Variants in POU6F2 observed in about 807,000 individuals in gnomAD.
POU6F2 encodes the protein POU domain, class 6, transcription factor 2.
Under a neutral mutation model 71.3 loss-of-function variants are expected in POU6F2, and 31 were observed. The ratio of observed to expected loss-of-function variants is 0.43; its 90% CI spans 0.33 to 0.59. The LOEUF (loss-of-function observed/expected upper bound fraction) is 0.59. Among genes scored for constraint, POU6F2 ranks in the 20% least tolerant of loss-of-function variants. POU6F2 has a pLI of 0.04. For missense variants in POU6F2, 783 were observed against 856.8 expected, an observed-to-expected ratio of 0.91 and a Z score of 1.07; for synonymous variants, 347 against 355.7, an observed-to-expected ratio of 0.98 and a Z score of 0.27.
chr7:39,171,960 T>G (rs1458394179), intron 2 of POU6F2, among the ~76,000 whole-genome samples: 1 of 152,232 alleles, frequency 6.6e-6, no homozygotes, highest in Non-Finnish European at 1.5e-5. Context: ...TTTGTTCTTA[T>G]TGGAGTGGGG....
intron 4 of POU6F2, among the ~76,000 whole-genome samples, chr7:39,276,148 C>T (rs1266076220): frequency 6.6e-6 from 1 of 151,922 alleles, no homozygotes; most frequent in East Asian, 1.9e-4. Flanking sequence ...TCGCAACCTA[C>T]TCATCTGACA....
intron 4 of POU6F2, among the ~76,000 whole-genome samples, chr7:39,253,280 C>G (rs755373471): frequency 2.6e-5 from 4 of 152,158 alleles, no homozygotes; most frequent in Non-Finnish European, 4.4e-5. Flanking sequence ...CCTTCTTTGC[C>G]TCATGCTAGA....
chr7:39,464,001 C>T lies in POU6F2; in HGVS notation c.1659-181C>T, dbSNP rs1224759822. On this transcript the variant is annotated intron_variant, in intron 9 of 9. Coordinates refer to ENST00000518318, the MANE Select transcript of POU6F2 (RefSeq NM_001370959.1). This position sits in a 1 kb window ranked among gnomAD's most constrained non-coding sequence, Gnocchi z 4.1. ...CCTGTCTGTGCACCTGTGTGGTTTG[C>T]ATGGTCTGGCATGGAGCACGCTGGG... Among the ~76,000 whole-genome samples, 1 of 152,208 alleles carries T rather than the reference C, an allele frequency of 6.6e-6. No individual in the cohort carries two copies. The highest frequency in any genetic ancestry group is 2.4e-5 in the African/African-American group (1 of 41,444).
At chr7:39,230,121 C>G (rs1794548016) in intron 4 of POU6F2, among the ~76,000 whole-genome samples, 2 of 152,192 alleles carry the variant, frequency 1.3e-5, no homozygotes, top group Admixed American at 1.3e-4. Context: ...GCTCCAGTAA[C>G]TGGGAATCAG....
At chr7:39,337,411 A>G (rs1268475993) in intron 4 of POU6F2, among the ~76,000 whole-genome samples, 2 of 152,230 alleles carry the variant, frequency 1.3e-5, no homozygotes, top group African/African-American at 4.8e-5. Flanking sequence ...GGAAACCATC[A>G]TAAAAGGGAA....
chr7:39,005,909 T>C (rs919549690), intron 1 of POU6F2, among the ~76,000 whole-genome samples: 8 of 152,222 alleles, frequency 5.3e-5, no homozygotes, highest in African/African-American at 1.9e-4. Context: ...GAAAGGGAGC[T>C]ATCCTCACAC....
chr7:39,212,664 A>G (rs138814542), intron 4 of POU6F2, among the ~76,000 whole-genome samples: 64 of 152,342 alleles, frequency 4.2e-4, no homozygotes, highest in African/African-American at 1.4e-3. Context: ...CACCTGTGAA[A>G]TAAGACGAAT....
At chr7:39,258,758 T>C (rs1046897674) in intron 4 of POU6F2, among the ~76,000 whole-genome samples, 2 of 150,870 alleles carry the variant, frequency 1.3e-5, no homozygotes, top group Non-Finnish European at 2.9e-5. Flanking sequence ...GAATCTGTGA[T>C]ATTGTAAAGT....
chr7:39,255,190 A>G (rs1424420254), intron 4 of POU6F2, among the ~76,000 whole-genome samples: 3 of 152,210 alleles, frequency 2.0e-5, no homozygotes, highest in Admixed American at 6.5e-5. Context: ...TAAAAAATTA[A>G]TGTGGTTCCT....
In POU6F2 at chr7:39,350,867, C is replaced by T. The variant is rs572647716; in HGVS notation, c.972+10852C>T. On this transcript the variant is annotated intron_variant, in intron 5 of 9. Coordinates refer to ENST00000518318, the MANE Select transcript of POU6F2 (RefSeq NM_001370959.1). ...CACCATCTTCAAACAGCTGAGACCA[C>T]GCCTGCGCTCCTACAGCCATATTTT... Among the ~76,000 whole-genome samples, 639 of 152,360 alleles carry T rather than the reference C, an allele frequency of 4.2e-3. 4 individuals are homozygous for T. Among genetic ancestry groups the T allele is most frequent in the African/African-American group, 0.014 (583 of 41,580 alleles).
intron 2 of POU6F2, among the ~76,000 whole-genome samples, chr7:39,106,281 A>G (rs1791685420): frequency 6.6e-6 from 1 of 152,210 alleles, no homozygotes; most frequent in African/African-American, 2.4e-5. Context: ...TACCATTATG[A>G]CCATTGTTGC....
chr7:39,202,540 A>G (rs1365314134), intron 2 of POU6F2, among the ~76,000 whole-genome samples: 1 of 152,200 alleles, frequency 6.6e-6, no homozygotes, highest in African/African-American at 2.4e-5. Flanking sequence ...GAAACCTCAT[A>G]AGCTCTTTGA....
At chr7:39,117,574 A>G (rs1791957605) in intron 2 of POU6F2, among the ~76,000 whole-genome samples, 1 of 152,174 alleles carries the variant, frequency 6.6e-6, no homozygotes, top group Admixed American at 6.5e-5. Flanking sequence ...ATGGATGAGT[A>G]ATAACTGACT....
chr7:39,457,578 GCA>G (rs1388788211), intron 8 of POU6F2, among the ~76,000 whole-genome samples: 2 of 152,216 alleles, frequency 1.3e-5, no homozygotes, highest in East Asian at 3.9e-4. Context: ...AAAGACAATG[GCA>G]CACAGAGTGC....
chr7:39,352,051 G>A (rs1336404322), intron 5 of POU6F2, among the ~76,000 whole-genome samples: 1 of 152,134 alleles, frequency 6.6e-6, no homozygotes, highest in East Asian at 1.9e-4. Context: ...CTTTCTCATA[G>A]CTCCTGATCT....
At chr7:39,325,289 A>G (rs1785483586) in intron 4 of POU6F2, among the ~76,000 whole-genome samples, 1 of 152,192 alleles carries the variant, frequency 6.6e-6, no homozygotes, top group South Asian at 2.1e-4. Context: ...TCCTAGAATC[A>G]TGTCTTAGAT....
chr7:39,235,441 G>A (rs1393636648), intron 4 of POU6F2, among the ~76,000 whole-genome samples: 1 of 152,108 alleles, frequency 6.6e-6, no homozygotes, highest in Admixed American at 6.6e-5. Flanking sequence ...GGTAATTGGT[G>A]GTGCTGAGAT....
At chr7:39,444,919 GA>G (rs1788487662) in intron 7 of POU6F2, among the ~76,000 whole-genome samples, 1 of 151,950 alleles carries the variant, frequency 6.6e-6, no homozygotes, top group Admixed American at 6.5e-5. Context: ...GGCAGGGAGA[GA>G]AAAATGAAAG....
At chr7:39,285,385 T>C (rs1002898601) in intron 4 of POU6F2, among the ~76,000 whole-genome samples, 3 of 152,178 alleles carry the variant, frequency 2.0e-5, no homozygotes, top group African/African-American at 7.2e-5. Flanking sequence ...TCGTATGTCG[T>C]GTATTAGTCA....
Sources: allele counts gnomAD v4.1 joint callset (sites outside exome capture counted in the v4.1 genomes callset), GRCh38; gene constraint gnomAD v4.1.1; non-coding constraint Gnocchi (gnomAD v3.1); transcripts MANE v1.5; gene names NCBI Gene and HGNC (gene_info 2026-07-23, HGNC 2026-07-21).